Variants in TNFRSF13C observed in about 807,000 individuals in gnomAD.
The protein encoded by TNFRSF13C is TNF receptor superfamily member 13C.
Under a neutral mutation model 12.1 loss-of-function variants are expected in TNFRSF13C, and 7 were observed. The ratio of observed to expected loss-of-function variants is 0.58; its 90% CI spans 0.33 to 1.08. The LOEUF is 1.08. TNFRSF13C is among the 50% of genes least tolerant of loss of function. The pLI is 0.04. For synonymous variants in TNFRSF13C, 157 were observed against 130.8 expected (o/e 1.20, Z -1.37); for missense variants, 260 against 265.9 (o/e 0.98, Z 0.15).
In TNFRSF13C at chr22:41,926,212, C is replaced by A. The variant is rs949004922; in HGVS notation, c.256G>T (p.Gly86Cys). The A allele has an allele frequency of 6.2e-7, 1 of 1,602,640 alleles. No individual in the cohort carries two copies. Among genetic ancestry groups the A allele is most frequent in the Admixed American group, 1.7e-5 (1 of 59,534 alleles). The change falls in exon 2 of 3, where the codon GGC becomes TGC. Residue 86 changes from glycine (G) to cysteine (C), a missense_variant. Gly to Cys is a radical substitution (Grantham distance 159). Coordinates refer to ENST00000291232, the MANE Select transcript of TNFRSF13C (RefSeq NM_052945.4). The surrounding 1 kb of genome is among the most constrained non-coding windows in gnomAD (Gnocchi z 4.9). ...ACCAGCGCCAGGACCAGTGCCAGGC[C>A]CAGCAGCGCGGGGGCGCCAAAGAGC... ...GLLFGAPALLGLALVLALVLV... is the reference protein window; with the variant it reads ...GLLFGAPALLCLALVLALVLV...
chr22:41,925,236 T>G lies in TNFRSF13C; in HGVS notation c.*131A>C. 9.8e-7 allele frequency: 1 copy of G among 1,016,308 alleles called. No homozygotes were observed. Among genetic ancestry groups the G allele is most frequent in the African/African-American group, 1.6e-5 (1 of 61,714 alleles). The allele number at this position is 1,016,308 out of a possible 1,614,324, so 63.0% of individuals were successfully genotyped here. A position where few individuals can be genotyped will look rare whatever the true frequency, so the allele number is the denominator to read the frequency against. ...TGAATGCTGTGGTCTGTAGTGTCTG[T>G]GCTTCTGCAGAGTTAGCCTGGTCCC... On this transcript the variant is annotated 3_prime_UTR_variant, in exon 3 of 3. Transcript: ENST00000291232.
Position 41,926,585 on chromosome 22 carries a change from G to A in TNFRSF13C, c.136+53C>T. On this transcript the variant is annotated intron_variant, in intron 1 of 2. Transcript: ENST00000291232. This position sits in a 1 kb window ranked among gnomAD's most constrained non-coding sequence, Gnocchi z 4.9. ...CTCTGCCTGCGCCCTGGCGATCGGG[G>A]CCCCGTTCTCCCCGCAGCTGCCGGC... 7.3e-7 allele frequency: 1 copy of A among 1,377,834 alleles called. No homozygotes were observed. The highest frequency in any genetic ancestry group is 9.3e-7 in the Non-Finnish European group (1 of 1,070,670). The allele number at this position is 1,377,834 out of a possible 1,614,324, so 85.4% of individuals were successfully genotyped here.
In TNFRSF13C at chr22:41,926,273, C is replaced by T. The variant is rs1408228920; in HGVS notation, c.195G>A (p.Ala65=). The change falls in exon 2 of 3, where the codon GCG becomes GCA. Residue 65 remains alanine, a synonymous_variant. Transcript: ENST00000291232. The surrounding 1 kb of genome is among the most constrained non-coding windows in gnomAD (Gnocchi z 4.9). The stretch of plus-strand genomic sequence containing the variant: ...GGGGCAGCGCCGCCTCGCCGGCCCC[C>T]GCGCCCACCGACTCCTGCGGCTGCA... ...TALQPQESVG[A]GAGEAALPLP... 1.2e-5 allele frequency: 18 copies of T among 1,489,788 alleles called. No homozygotes were observed. The highest frequency in any genetic ancestry group is 1.5e-5 in the Non-Finnish European group (17 of 1,127,916). 92.3% of individuals were successfully genotyped at this position (1,489,788 alleles called of 1,614,324 possible). A position where few individuals can be genotyped will look rare whatever the true frequency, so the allele number is the denominator to read the frequency against.
chr22:41,926,266 CG>C lies in TNFRSF13C; in HGVS notation c.201del (p.Gly68AlafsTer32), dbSNP rs932166932. 1 of 1,495,062 alleles carries C rather than the reference CG, an allele frequency of 6.7e-7. No homozygotes were observed. The highest frequency in any genetic ancestry group is 1.5e-5 in the African/African-American group (1 of 68,748). The allele number at this position is 1,495,062 out of a possible 1,614,324, so 92.6% of individuals were successfully genotyped here. On this transcript the variant is annotated frameshift_variant, in exon 2 of 3. Coordinates refer to ENST00000291232, the MANE Select transcript of TNFRSF13C (RefSeq NM_052945.4). LOFTEE classifies it high-confidence loss of function. This position sits in a 1 kb window ranked among gnomAD's most constrained non-coding sequence, Gnocchi z 4.9. ...CCGGGCAGGGGCAGCGCCGCCTCGCCGGCCCCCGCGCCCACCGACTCCTGCG... is the reference window on the plus strand; with the variant it reads ...CCGGGCAGGGGCAGCGCCGCCTCGCCGCCCCCGCGCCCACCGACTCCTGCG... The part of the protein sequence containing the change: ...LQPQESVGAG[A>X]GEAALPLPGL...
rs1185675031 is a variant in TNFRSF13C at position 41,925,425 on chromosome 22, G to A, written c.497C>T (p.Thr166Ile). Residue 166 changes from threonine (T) to isoleucine (I), a missense_variant, in exon 3 of 3, where the codon ACA becomes ATA. Physicochemically the swap from Thr to Ile is moderately conservative, Grantham distance 89. Transcript: ENST00000291232. ...CACCAGTTCAGTGGAGCCCAGCTCT[G>A]TGGCTGGCACAGGGACACTGTGGCC... ...PPGHSVPVPA[T>I]ELGSTELVTT... 1.2e-6 allele frequency: 2 copies of A among 1,611,406 alleles called. No individual in the cohort carries two copies. Among genetic ancestry groups the A allele is most frequent in the South Asian group, 1.1e-5 (1 of 91,086 alleles).
chr22:41,925,665 G>A, intron 2 of TNFRSF13C, 111 bp from the exon 3 acceptor site: 1 of 1,357,502 alleles, frequency 7.4e-7, no homozygotes, highest in Admixed American at 1.9e-5. Flanking sequence ...AATGCAGGGT[G>A]GGGAGGGGTG....
In TNFRSF13C at chr22:41,926,261, C is replaced by T. The variant is rs752818355; in HGVS notation, c.207G>A (p.Glu69=). Reference sequence around the variant, plus strand: ...GCAGCCCGGGCAGGGGCAGCGCCGCCTCGCCGGCCCCCGCGCCCACCGACT... The same window carrying T: ...GCAGCCCGGGCAGGGGCAGCGCCGCTTCGCCGGCCCCCGCGCCCACCGACT... The part of the protein sequence containing the change: ...PQESVGAGAG[E]AALPLPGLLF... The change falls in exon 2 of 3, where the codon GAG becomes GAA. Residue 69 remains glutamate (E), a synonymous_variant. Coordinates refer to ENST00000291232, the MANE Select transcript of TNFRSF13C (RefSeq NM_052945.4). The surrounding 1 kb of genome is among the most constrained non-coding windows in gnomAD (Gnocchi z 4.9). The T allele has an allele frequency of 6.0e-6, 9 of 1,499,912 alleles. 1 individual carries two copies. The South Asian group carries it at 6.3e-5, about 10-fold the overall frequency. 92.9% of individuals were successfully genotyped at this position (1,499,912 alleles called of 1,614,324 possible). A position where few individuals can be genotyped will look rare whatever the true frequency, so the allele number is the denominator to read the frequency against.
chr22:41,925,656 A>G (rs759748461), intron 2 of TNFRSF13C, 102 bp from the exon 3 acceptor site: 20 of 1,445,160 alleles, frequency 1.4e-5, no homozygotes, highest in Middle Eastern at 3.9e-4. Context: ...ATGAAGCCCA[A>G]TGCAGGGTGG....
intron 2 of TNFRSF13C, 114 bp from the exon 3 acceptor site, chr22:41,925,668 G>A: frequency 7.4e-7 from 1 of 1,348,228 alleles, no homozygotes; most frequent in East Asian, 2.4e-5. Context: ...GCAGGGTGGG[G>A]AGGGGTGGCA....
At position 41,926,749 on chromosome 22, in the gene TNFRSF13C, G is replaced by A. The variant is rs1161872026; in HGVS notation, c.25C>T (p.Arg9Trp). The change falls in exon 1 of 3, where the codon CGG becomes TGG. Residue 9 changes from arginine (R) to tryptophan (W), a missense_variant. Coordinates refer to ENST00000291232, the MANE Select transcript of TNFRSF13C (RefSeq NM_052945.4). The surrounding 1 kb of genome is among the most constrained non-coding windows in gnomAD (Gnocchi z 4.9). MRRGPRSL[R>W]GRDAPAPTPC... The stretch of plus-strand genomic sequence containing the variant: ...GTGGGGGCTGGCGCGTCCCTGCCCC[G>A]CAGGCTCCGGGGCCCTCGCCTCATG... The A allele has an allele frequency of 2.9e-6, 4 of 1,378,374 alleles. No individual in the cohort carries two copies. The highest frequency in any genetic ancestry group is 1.6e-5 in the South Asian group (1 of 61,174). 85.4% of individuals were successfully genotyped at this position (1,378,374 alleles called of 1,614,324 possible). A position where few individuals can be genotyped will look rare whatever the true frequency, so the allele number is the denominator to read the frequency against.
At position 41,923,575 on chromosome 22, in the gene TNFRSF13C, G is replaced by A. The variant is rs1331857194; in HGVS notation, c.*1792C>T. The A allele has an allele frequency of 6.6e-6, 1 of 152,340 alleles. No homozygotes were observed. Among genetic ancestry groups the A allele is most frequent in the Non-Finnish European group, 1.5e-5 (1 of 68,128 alleles). The allele number at this position is 152,340 out of a possible 1,614,324, so 9.4% of individuals were successfully genotyped here. On this transcript the variant is annotated 3_prime_UTR_variant, in exon 3 of 3. Transcript: ENST00000291232. ...GCACTGGGGGGCCAGTGCTTCAGGG[G>A]AACAAGCCAGAGAGAGAAGGGAGTT...
In TNFRSF13C at chr22:41,924,596, T is replaced by G. The variant is rs2077620118; in HGVS notation, c.*771A>C. The G allele has an allele frequency of 6.6e-6, 1 of 151,496 alleles. No homozygotes were observed. Among genetic ancestry groups the G allele is most frequent in the African/African-American group, 2.4e-5 (1 of 41,110 alleles). 9.4% of individuals were successfully genotyped at this position (151,496 alleles called of 1,614,324 possible). ...TGCTTGAGCCCAGGCTGCAATTAGC[T>G]GGGGACCCATCGTTGCACTCCAGCC... On this transcript the variant is annotated 3_prime_UTR_variant, in exon 3 of 3. Coordinates refer to ENST00000291232, the MANE Select transcript of TNFRSF13C (RefSeq NM_052945.4).
In TNFRSF13C at chr22:41,924,949, C is replaced by CAAAAAAAAAAAAAAAAA. The variant is rs750334567; in HGVS notation, c.*401_*417dup. The CAAAAAAAAAAAAAAAAA allele has an allele frequency of 6.6e-5, 3 of 45,318 alleles. No individual in the cohort carries two copies. The highest frequency in any genetic ancestry group is 2.1e-4 in the African/African-American group (2 of 9,724). 2.8% of individuals were successfully genotyped at this position (45,318 alleles called of 1,614,324 possible). On this transcript the variant is annotated 3_prime_UTR_variant, in exon 3 of 3. Transcript: ENST00000291232. ...CCTGGCGACAGAGCAAGACTCGTCT[C>CAAAAAAAAAAAAAAAAA]AAAAAAAAAAAAAAAAAAAAAAAAA...
rs2077628026 is a variant in TNFRSF13C, at chr22:41,926,100, C to T, written c.367+1G>A. ...CTGGTTCCCCTACACACGGAACTCA[C>T]CGTCCTTGTCTCCGTCGGGGGCCTC... On this transcript the variant is annotated splice_donor_variant, in intron 2 of 2. Coordinates refer to ENST00000291232, the MANE Select transcript of TNFRSF13C (RefSeq NM_052945.4). LOFTEE classifies it high-confidence loss of function. The surrounding 1 kb of genome is among the most constrained non-coding windows in gnomAD (Gnocchi z 4.9). 1 of 1,612,594 alleles carries T rather than the reference C, an allele frequency of 6.2e-7. No homozygotes were observed.
In TNFRSF13C at chr22:41,925,488, C is replaced by T. The variant is rs1458280731; in HGVS notation, c.434G>A (p.Trp145Ter). 3.7e-6 allele frequency: 6 copies of T among 1,613,410 alleles called. No individual in the cohort carries two copies. The highest frequency in any genetic ancestry group is 1.3e-5 in the African/African-American group (1 of 74,966). Reference sequence around the variant, plus strand: ...TCCTGGGTCTTCCCCAGGAGGAGGCCAGGCAGGAGCTGTGGCATCAGAGAT... The same window carrying T: ...TCCTGGGTCTTCCCCAGGAGGAGGCTAGGCAGGAGCTGTGGCATCAGAGAT... ...PGISDATAPA[W>*]PPPGEDPGTT... is the part of the protein sequence containing the mutation. Residue 145 changes from tryptophan (W) to a stop codon, truncating the protein, a stop_gained, in exon 3 of 3, where the codon TGG (tryptophan) becomes TAG (stop). Coordinates refer to ENST00000291232, the MANE Select transcript of TNFRSF13C (RefSeq NM_052945.4). LOFTEE classifies it high-confidence loss of function.
At position 41,926,217 on chromosome 22, in the gene TNFRSF13C, A is replaced by C. The variant is rs2077629260; in HGVS notation, c.251T>G (p.Leu84Arg). Residue 84 changes from leucine (L) to arginine (R), a missense_variant, in exon 2 of 3, where the codon CTG (leucine) becomes CGG (arginine). Coordinates refer to ENST00000291232, the MANE Select transcript of TNFRSF13C (RefSeq NM_052945.4). The surrounding 1 kb of genome is among the most constrained non-coding windows in gnomAD (Gnocchi z 4.9). Reference protein sequence around the residue: ...LPGLLFGAPALLGLALVLALV... With the variant: ...LPGLLFGAPARLGLALVLALV... ...CGCCAGGACCAGTGCCAGGCCCAGC[A>C]GCGCGGGGGCGCCAAAGAGCAGCCC... is the stretch of plus-strand genomic sequence containing the variant. The C allele has an allele frequency of 6.3e-7, 1 of 1,599,000 alleles. No homozygotes were observed. The highest frequency in any genetic ancestry group is 1.3e-5 in the African/African-American group (1 of 74,778).
rs2077613272 is a variant in TNFRSF13C, at chr22:41,923,019, G to A, written c.*2348C>T. Reference sequence around the variant, plus strand: ...CTGGGGGCAGGGGCATCTGAGATGGGTTCATGGAGCAAATAGCCAGGCAGA... The same window carrying A: ...CTGGGGGCAGGGGCATCTGAGATGGATTCATGGAGCAAATAGCCAGGCAGA... On this transcript the variant is annotated 3_prime_UTR_variant, in exon 3 of 3. Transcript: ENST00000291232. 1 of 152,524 alleles carries A rather than the reference G, an allele frequency of 6.6e-6. No homozygotes were observed. 9.4% of individuals were successfully genotyped at this position (152,524 alleles called of 1,614,324 possible).
chr22:41,925,667 G>A, intron 2 of TNFRSF13C, 113 bp from the exon 3 acceptor site: 1 of 1,361,406 alleles, frequency 7.3e-7, no homozygotes, highest in African/African-American at 1.4e-5. Context: ...TGCAGGGTGG[G>A]GAGGGGTGGC....
intron 2 of TNFRSF13C, 102 bp downstream of exon 2, chr22:41,925,999 C>G: frequency 6.8e-7 from 1 of 1,472,082 alleles, no homozygotes; most frequent in Non-Finnish European, 9.3e-7. Flanking sequence ...CCCCTTAAAG[C>G]CCTTCTCTCC....
Sources: gnomAD v4.1 joint callset for allele counts on GRCh38, gnomAD v4.1.1 for gene constraint, Gnocchi (gnomAD v3.1) non-coding constraint, MANE v1.5 for transcripts, NCBI Gene and HGNC (gene_info 2026-07-23, HGNC 2026-07-21) for gene names.